LOC128092253: variants seen among roughly 807,000 people sequenced by gnomAD.
chr6:133,976,112 G>A, the LOC128092253 span, among the ~76,000 whole-genome samples: 7 of 152,200 alleles, frequency 4.6e-5, no homozygotes, highest in Admixed American at 3.9e-4. Flanking sequence ...TGAATGTTGT[G>A]TCAAAGGGCT....
the LOC128092253 span, among the ~76,000 whole-genome samples, chr6:133,960,024 G>A: frequency 9.9e-5 from 15 of 152,160 alleles, no homozygotes; most frequent in African/African-American, 3.4e-4. Context: ...CTGGTGAGCC[G>A]CAAGCGTTTT....
the LOC128092253 span, among the ~76,000 whole-genome samples, chr6:133,972,181 C>T: frequency 6.6e-6 from 1 of 152,080 alleles, no homozygotes; most frequent in East Asian, 1.9e-4. Context: ...AGACATTCCC[C>T]CAAGTATTTG....
the LOC128092253 span, among the ~76,000 whole-genome samples, chr6:133,979,671 G>A: frequency 7.2e-5 from 11 of 152,264 alleles, no homozygotes; most frequent in South Asian, 1.5e-3. Context: ...TGTTTTGACA[G>A]AGTCTCACTC....
chr6:133,977,019 A>C, the LOC128092253 span, among the ~76,000 whole-genome samples: 2 of 151,760 alleles, frequency 1.3e-5, no homozygotes, highest in South Asian at 4.1e-4. Flanking sequence ...GTTTCGTTGG[A>C]CTGTCATTCT....
chr6:133,961,346 T>G, the LOC128092253 span, among the ~76,000 whole-genome samples: 1 of 152,150 alleles, frequency 6.6e-6, no homozygotes, highest in Non-Finnish European at 1.5e-5. Flanking sequence ...CAGTAGACAC[T>G]TATAACACCA....
At chr6:133,969,177 T>A in the LOC128092253 span, among the ~76,000 whole-genome samples, 1 of 151,904 alleles carries the variant, frequency 6.6e-6, no homozygotes, top group Admixed American at 6.6e-5. Flanking sequence ...AGAAAATCAG[T>A]ATCATTTAAA....
At chr6:133,963,759 G>T in the LOC128092253 span, among the ~76,000 whole-genome samples, 1 of 151,866 alleles carries the variant, frequency 6.6e-6, no homozygotes, top group Admixed American at 6.5e-5. Flanking sequence ...GGCCTGGCGC[G>T]GTGGCTCACG....
chr6:133,968,891 C>T, the LOC128092253 span: 8 of 152,286 alleles, frequency 5.3e-5, no homozygotes, highest in African/African-American at 1.7e-4. Context: ...CAACTCCTGA[C>T]CTCAAATGAT....
the LOC128092253 span, chr6:133,979,940 C>A: frequency 1.6e-6 from 1 of 625,564 alleles, no homozygotes; most frequent in Non-Finnish European, 2.3e-6. Flanking sequence ...AGCCACTGTG[C>A]CCGGCCAGGG....
chr6:133,974,498 TGATTTTTG>T, the LOC128092253 span, among the ~76,000 whole-genome samples: 2 of 152,210 alleles, frequency 1.3e-5, no homozygotes, highest in Non-Finnish European at 2.9e-5. Context: ...CACGCCCGGC[TGATTTTTG>T]TATTTTTAGA....
the LOC128092253 span, among the ~76,000 whole-genome samples, chr6:133,967,549 A>G: frequency 1.3e-5 from 2 of 152,232 alleles, no homozygotes; most frequent in Non-Finnish European, 2.9e-5. Context: ...ATATAAACCC[A>G]GACGGTAGAA....
the LOC128092253 span, among the ~76,000 whole-genome samples, chr6:133,971,785 C>T: frequency 6.6e-6 from 1 of 151,876 alleles, no homozygotes; most frequent in Admixed American, 6.6e-5. Flanking sequence ...CAGATTATTT[C>T]TTTTGCTGAG....
chr6:133,964,986 T>G, the LOC128092253 span, among the ~76,000 whole-genome samples: 1 of 152,230 alleles, frequency 6.6e-6, no homozygotes, highest in African/African-American at 2.4e-5. Flanking sequence ...GCTTCAAGTT[T>G]GAGCCCTGCA....
the LOC128092253 span, among the ~76,000 whole-genome samples, chr6:133,964,397 C>G: frequency 6.0e-5 from 9 of 150,380 alleles, no homozygotes; most frequent in Admixed American, 1.3e-4. Context: ...TTTTTTAAAC[C>G]AGAAATGTTT....
At chr6:133,973,577 C>T in the LOC128092253 span, among the ~76,000 whole-genome samples, 5 of 151,984 alleles carry the variant, frequency 3.3e-5, no homozygotes, top group South Asian at 2.1e-4. Flanking sequence ...CAGAAGGTGG[C>T]GATGTTTTCC....
At chr6:133,964,247 T>C in the LOC128092253 span, among the ~76,000 whole-genome samples, 1 of 152,188 alleles carries the variant, frequency 6.6e-6, no homozygotes, top group African/African-American at 2.4e-5. Context: ...TCTGTGTTTA[T>C]CCTTTTTGAG....
chr6:133,958,645 G>A, the LOC128092253 span, among the ~76,000 whole-genome samples: 4 of 152,162 alleles, frequency 2.6e-5, no homozygotes, highest in African/African-American at 9.7e-5. Flanking sequence ...GGAAACTGCT[G>A]ACTAAAAATA....
the LOC128092253 span, among the ~76,000 whole-genome samples, chr6:133,966,723 A>G: frequency 2.0e-5 from 3 of 152,142 alleles, no homozygotes; most frequent in Admixed American, 6.5e-5. Context: ...GTCATTCTCC[A>G]TCTCCCTTTT....
chr6:133,956,671 T>G, the LOC128092253 span, among the ~76,000 whole-genome samples: 2 of 152,218 alleles, frequency 1.3e-5, no homozygotes, highest in African/African-American at 2.4e-5. Flanking sequence ...AGCTAGTGGA[T>G]GAAGGAAACC....
Sources: allele counts gnomAD v4.1 joint callset (sites outside exome capture counted in the v4.1 genomes callset), GRCh38; gene constraint gnomAD v4.1.1; transcripts MANE v1.5.